The following STARD10 variants were observed in gnomAD, a reference collection of about 807,000 sequenced individuals.
STARD10 encodes the protein StAR related lipid transfer domain containing 10, also known as START domain-containing protein 10.
A neutral mutation model predicts 36.0 loss-of-function variants in STARD10; 24 were observed. The observed-to-expected ratio is 0.67, with a 90% CI of 0.48 to 0.94. The LOEUF (loss-of-function observed/expected upper bound fraction) is 0.94. Among genes scored for constraint, STARD10 ranks in the 40% least tolerant of loss-of-function variants. STARD10 has a pLI of 0.00. For missense variants in STARD10, 335 were observed against 396.6 expected (o/e 0.84, Z 1.32); for synonymous variants, 156 against 161.9 (o/e 0.96, Z 0.28).
chr11:72,782,907 G>C (rs1234725616), intron 1 of STARD10, among the ~76,000 whole-genome samples: 1 of 152,134 alleles, frequency 6.6e-6, no homozygotes, highest in Non-Finnish European at 1.5e-5. Context: ...AACCTGCCAC[G>C]GTCATCCTGA....
At chr11:72,787,152 G>C (rs1170165685) in intron 1 of STARD10, among the ~76,000 whole-genome samples, 1 of 149,526 alleles carries the variant, frequency 6.7e-6, no homozygotes, top group African/African-American at 2.5e-5. Flanking sequence ...ACTTGTTCTA[G>C]ACCACACACC....
At chr11:72,788,707 C>T (rs1859104818) in intron 1 of STARD10, among the ~76,000 whole-genome samples, 1 of 152,012 alleles carries the variant, frequency 6.6e-6, no homozygotes, top group South Asian at 2.1e-4. Flanking sequence ...GGACTACAGG[C>T]ATGCGCCACC....
intron 1 of STARD10, among the ~76,000 whole-genome samples, chr11:72,788,493 G>C (rs1177836832): frequency 6.6e-6 from 1 of 152,186 alleles, no homozygotes; most frequent in Non-Finnish European, 1.5e-5. Flanking sequence ...GCAGTGCCTT[G>C]GGTGTAAGAT....
intron 2 of STARD10, among the ~76,000 whole-genome samples, chr11:72,770,390 G>A (rs1858839951): frequency 6.6e-6 from 1 of 152,112 alleles, no homozygotes. Context: ...GCTAATTTTT[G>A]TATTTTTAGT....
intron 5 of STARD10, 34 bp downstream of exon 5, chr11:72,757,733 A>G (rs1257009582): frequency 6.3e-7 from 1 of 1,595,762 alleles, no homozygotes; most frequent in Non-Finnish European, 8.6e-7. Context: ...ATAGGGAAGG[A>G]TCCCATGATA....
At chr11:72,766,409 A>G (rs1858791172) in intron 2 of STARD10, among the ~76,000 whole-genome samples, 3 of 151,382 alleles carry the variant, frequency 2.0e-5, no homozygotes, top group African/African-American at 4.8e-5. Context: ...AAACCTCAAG[A>G]TAGCACGAGC....
In STARD10 at chr11:72,754,761, C is replaced by T; in HGVS notation, c.*136G>A. ...GTGGGATCGTTTATTGGGGCTCTGT[C>T]CAGCCAGGCTGCAGCACCCGCCTGG... On this transcript the variant is annotated 3_prime_UTR_variant, in exon 7 of 7. Coordinates refer to ENST00000334805, the MANE Select transcript of STARD10 (RefSeq NM_006645.3). 1 of 1,333,290 alleles carries T rather than the reference C, an allele frequency of 7.5e-7. No individual in the cohort carries two copies. Among genetic ancestry groups the T allele is most frequent in the Non-Finnish European group, 1.0e-6 (1 of 968,036 alleles). The allele number at this position is 1,333,290 out of a possible 1,614,324, so 82.6% of individuals were successfully genotyped here.
At chr11:72,761,917 C>CTTTTCTTTTCTTT (rs1555023007) in intron 2 of STARD10, among the ~76,000 whole-genome samples, 2 of 37,478 alleles carry the variant, frequency 5.3e-5, no homozygotes, top group Admixed American at 3.2e-4. Flanking sequence ...CTTTTCTTTT[C>CTTTTCTTTTCTTT]TTTTTTTTTT....
chr11:72,754,768 G>A lies in STARD10; in HGVS notation c.*129C>T, dbSNP rs1168562217. On this transcript the variant is annotated 3_prime_UTR_variant, in exon 7 of 7. Coordinates refer to ENST00000334805, the MANE Select transcript of STARD10 (RefSeq NM_006645.3). ...CGTTTATTGGGGCTCTGTCCAGCCA[G>A]GCTGCAGCACCCGCCTGGGCCTGGC... is the stretch of plus-strand genomic sequence containing the variant. 4 of 1,384,318 alleles carry A rather than the reference G, an allele frequency of 2.9e-6. No homozygotes were observed. Among genetic ancestry groups the A allele is most frequent in the South Asian group, 1.3e-5 (1 of 79,630 alleles). 85.8% of individuals were successfully genotyped at this position (1,384,318 alleles called of 1,614,324 possible).
intron 1 of STARD10, among the ~76,000 whole-genome samples, chr11:72,791,951 G>A (rs1272914143): frequency 2.0e-5 from 3 of 150,676 alleles, no homozygotes; most frequent in South Asian, 4.2e-4. Flanking sequence ...CTCGGCCCAC[G>A]ACAACCTCCG....
chr11:72,759,436 A>G, intron 2 of STARD10, 55 bp from the exon 3 acceptor site: 1 of 1,604,286 alleles, frequency 6.2e-7, no homozygotes, highest in Non-Finnish European at 8.5e-7. Context: ...AGCCTTGGCC[A>G]GGGGACCAGA....
rs200821855 is a variant in STARD10, at chr11:72,755,155, C to T, written c.631-13G>A. 2.5e-6 allele frequency: 4 copies of T among 1,605,656 alleles called. No individual in the cohort carries two copies. The highest frequency in any genetic ancestry group is 1.3e-5 in the African/African-American group (1 of 74,922). On this transcript the variant is annotated splice_polypyrimidine_tract_variant and intron_variant, in intron 6 of 6. Coordinates refer to ENST00000334805, the MANE Select transcript of STARD10 (RefSeq NM_006645.3). ...TCTTCTTCATGGCCTGTGGGCCCGC[C>T]GCCCCGCCGGGTCAGGGGGTGGCTA... is the stretch of plus-strand genomic sequence containing the variant.
At chr11:72,771,186 C>G (rs1027293686) in intron 2 of STARD10, among the ~76,000 whole-genome samples, 1 of 152,188 alleles carries the variant, frequency 6.6e-6, no homozygotes, top group Non-Finnish European at 1.5e-5. Flanking sequence ...TCCCTCAGAA[C>G]TAGGCTCTGT....
chr11:72,776,576 A>G (rs1178053265), intron 2 of STARD10, among the ~76,000 whole-genome samples: 5 of 152,098 alleles, frequency 3.3e-5, no homozygotes. Context: ...AGCCTTGGCG[A>G]GTCAAGGACC....
intron 6 of STARD10, 109 bp downstream of exon 6, chr11:72,755,592 T>G: frequency 3.8e-6 from 5 of 1,308,242 alleles, no homozygotes; most frequent in Middle Eastern, 1.9e-4. Flanking sequence ...ATTACAGGCA[T>G]GAGCCACCAC....
intron 1 of STARD10, among the ~76,000 whole-genome samples, chr11:72,787,272 C>A (rs543099755): frequency 2.6e-5 from 4 of 152,130 alleles, no homozygotes; most frequent in Admixed American, 1.3e-4. Context: ...CTTCTCCCCA[C>A]CCCATCCTCT....
intron 1 of STARD10, among the ~76,000 whole-genome samples, chr11:72,791,860 T>TTGTTG (rs1343133157): frequency 6.6e-6 from 1 of 151,810 alleles, no homozygotes; most frequent in African/African-American, 2.4e-5. Flanking sequence ...TACCTTTTTG[T>TTGTTG]TGTTGTGTTT....
chr11:72,762,003 G>A lies in STARD10; in HGVS notation c.208-2622C>T, dbSNP rs192416377. On this transcript the variant is annotated intron_variant, in intron 2 of 6. Transcript: ENST00000334805. ...TGCAATGACACGATCTTGGCTCACC[G>A]CAACCTACGCCTCCCGGGTTCAAGT... 9.2e-4 allele frequency among the ~76,000 whole-genome samples: 117 copies of A among 126,880 alleles called. 1 individual carries two copies. The East Asian group carries it at 0.017, about 18-fold the overall frequency. The allele number at this position is 126,880 out of a possible 152,430, so 83.2% of individuals were successfully genotyped here. A position where few individuals can be genotyped will look rare whatever the true frequency, so the allele number is the denominator to read the frequency against.
intron 1 of STARD10, among the ~76,000 whole-genome samples, chr11:72,784,747 C>T (rs1173600353): frequency 6.6e-6 from 1 of 152,226 alleles, no homozygotes. Context: ...CCAGGTCTGG[C>T]TGCTCTCTGG....
Sources: allele counts gnomAD v4.1 joint callset (sites outside exome capture counted in the v4.1 genomes callset), GRCh38; gene constraint gnomAD v4.1.1; transcripts MANE v1.5; gene names NCBI Gene and HGNC (gene_info 2026-07-23, HGNC 2026-07-21).